The following KCNG3 variants were observed in gnomAD, a reference collection of about 807,000 sequenced individuals.
KCNG3 encodes the protein potassium voltage-gated channel modifier subfamily G member 3.
KCNG3 carries 15 observed loss-of-function variants against 29.0 expected under a neutral mutation model. The observed-to-expected ratio is 0.52, with a 90% CI of 0.35 to 0.80. The LOEUF is 0.80. Ranked by LOEUF, KCNG3 falls within the 30% of genes least tolerant of loss-of-function variation. KCNG3 has a pLI of 0.01. For missense variants in KCNG3, 512 were observed against 605.7 expected, an observed-to-expected ratio of 0.85 and a Z score of 1.62; for synonymous variants, 322 against 248.9, an observed-to-expected ratio of 1.29 and a Z score of -2.76.
At chr2:42,400,664 G>A in the KCNG3 span, among the ~76,000 whole-genome samples, 1 of 152,108 alleles carries the variant, frequency 6.6e-6, no homozygotes, top group African/African-American at 2.4e-5. Context: ...TTGAGACTAG[G>A]CTTATGTCTT....
At chr2:42,389,018 C>T in the KCNG3 span, among the ~76,000 whole-genome samples, 4 of 152,002 alleles carry the variant, frequency 2.6e-5, no homozygotes, top group East Asian at 1.9e-4. Context: ...CCCAGGTTCA[C>T]GCGATTCTCC....
At chr2:42,445,129 T>C (rs1227031128) in intron 1 of KCNG3, among the ~76,000 whole-genome samples, 1 of 150,428 alleles carries the variant, frequency 6.6e-6, no homozygotes, top group Non-Finnish European at 1.5e-5. Context: ...TATGCTACAA[T>C]ACTATTAAAT....
the KCNG3 span, among the ~76,000 whole-genome samples, chr2:42,403,245 G>A: frequency 6.6e-5 from 10 of 151,266 alleles, no homozygotes; most frequent in South Asian, 2.1e-4. Context: ...AGGCTCAGGC[G>A]ATCCTCCCAC....
chr2:42,490,462 G>A (rs1319355049), intron 1 of KCNG3, among the ~76,000 whole-genome samples: 1 of 152,158 alleles, frequency 6.6e-6, no homozygotes, highest in Non-Finnish European at 1.5e-5. Context: ...CTCCCTGCTA[G>A]TTTGGGCAGT....
intron 1 of KCNG3, among the ~76,000 whole-genome samples, chr2:42,469,292 C>T (rs1045104034): frequency 1.3e-5 from 2 of 151,694 alleles, no homozygotes; most frequent in South Asian, 2.1e-4. Context: ...TGGTGCATGC[C>T]TGTAATCCCA....
At chr2:42,485,638 C>CG (rs1456729008) in intron 1 of KCNG3, among the ~76,000 whole-genome samples, 2 of 152,026 alleles carry the variant, frequency 1.3e-5, no homozygotes, top group Non-Finnish European at 2.9e-5. Context: ...TTAGCAGAGA[C>CG]GGGGTCTCAC....
At chr2:42,418,699 C>A in the KCNG3 span, among the ~76,000 whole-genome samples, 1 of 152,138 alleles carries the variant, frequency 6.6e-6, no homozygotes, top group Non-Finnish European at 1.5e-5. Flanking sequence ...ATAAATTTTA[C>A]CATCTTAACT....
chr2:42,409,771 CCT>C, the KCNG3 span, among the ~76,000 whole-genome samples: 1 of 151,024 alleles, frequency 6.6e-6, no homozygotes, highest in Non-Finnish European at 1.5e-5. Flanking sequence ...GCGCTCCCAC[CCT>C]GTCTCCTTAA....
chr2:42,475,452 C>G, intron 1 of KCNG3, among the ~76,000 whole-genome samples: 1 of 151,532 alleles, frequency 6.6e-6, no homozygotes, highest in Non-Finnish European at 1.5e-5. Context: ...CCTCAGCCTC[C>G]CGGATAGCTG....
intron 1 of KCNG3, among the ~76,000 whole-genome samples, chr2:42,480,006 ACT>A (rs1444895509): frequency 1.3e-5 from 2 of 152,190 alleles, no homozygotes; most frequent in African/African-American, 4.8e-5. Flanking sequence ...ACAGAGCAAG[ACT>A]CTGTCTCAAA....
the KCNG3 span, among the ~76,000 whole-genome samples, chr2:42,418,322 C>T: frequency 6.6e-6 from 1 of 152,138 alleles, no homozygotes; most frequent in Non-Finnish European, 1.5e-5. Flanking sequence ...ATATAGACCA[C>T]ATTTTGTTTA....
the KCNG3 span, among the ~76,000 whole-genome samples, chr2:42,420,231 C>CAAAAAAT: frequency 2.0e-4 from 31 of 151,702 alleles, no homozygotes; most frequent in South Asian, 6.3e-3. Context: ...AACTCCGTCT[C>CAAAAAAT]AAAAAATAAA....
At chr2:42,426,509 T>C in the KCNG3 span, among the ~76,000 whole-genome samples, 4 of 152,242 alleles carry the variant, frequency 2.6e-5, no homozygotes, top group Middle Eastern at 3.4e-3. Flanking sequence ...ACAGTGAAAA[T>C]AGTACAACTG....
chr2:42,401,562 C>T, the KCNG3 span, among the ~76,000 whole-genome samples: 82 of 152,168 alleles, frequency 5.4e-4, 2 homozygotes, highest in East Asian at 5.4e-3. Context: ...CTACCTCAGC[C>T]TTCTCAGTAG....
the KCNG3 span, among the ~76,000 whole-genome samples, chr2:42,415,326 C>G: frequency 1.3e-5 from 2 of 152,162 alleles, no homozygotes; most frequent in African/African-American, 2.4e-5. Flanking sequence ...GGTTATAACC[C>G]TATAGTAACT....
chr2:42,393,523 T>C, the KCNG3 span, among the ~76,000 whole-genome samples: 3 of 151,760 alleles, frequency 2.0e-5, no homozygotes, highest in African/African-American at 7.3e-5. Context: ...ATTGCACCAC[T>C]GCACTCCAGC....
the KCNG3 span, among the ~76,000 whole-genome samples, chr2:42,422,053 G>A: frequency 1.3e-5 from 2 of 152,326 alleles, no homozygotes; most frequent in Admixed American, 1.3e-4. Flanking sequence ...TTATGAGGGT[G>A]TGGTAAAACC....
chr2:42,390,340 C>T, the KCNG3 span, among the ~76,000 whole-genome samples: 1,008 of 152,264 alleles, frequency 6.6e-3, 10 homozygotes, highest in African/African-American at 0.023. Flanking sequence ...GCTCTGGATT[C>T]ATTTATGAAT....
chr2:42,456,979 TTTAA>T (rs1480321835), intron 1 of KCNG3, among the ~76,000 whole-genome samples: 1 of 152,160 alleles, frequency 6.6e-6, no homozygotes, highest in Non-Finnish European at 1.5e-5. Flanking sequence ...TCTTACACAC[TTTAA>T]TTATCTTACA....
Sources: gnomAD v4.1 joint callset for allele counts (sites outside exome capture counted in the v4.1 genomes callset) on GRCh38, gnomAD v4.1.1 for gene constraint, MANE v1.5 for transcripts, NCBI Gene and HGNC (gene_info 2026-07-23, HGNC 2026-07-21) for gene names.